Variants in DISC1 observed in about 807,000 individuals in gnomAD.
DISC1 encodes DISC1 scaffold protein, also known as disrupted in schizophrenia 1 protein.
DISC1 carries 57 observed loss-of-function variants against 84.5 expected under a neutral mutation model. The observed-to-expected ratio is 0.67, with a 90% CI of 0.55 to 0.84. The LOEUF (loss-of-function observed/expected upper bound fraction) is 0.84. DISC1 is among the 40% of genes least tolerant of loss of function. DISC1 has a pLI of 0.00. For missense variants in DISC1, 1,000 were observed against 1,057.8 expected, an observed-to-expected ratio of 0.95 and a Z score of 0.76; for synonymous variants, 411 against 415.2, an observed-to-expected ratio of 0.99 and a Z score of 0.12.
At chr1:231,972,157 A>G (rs373224560) in intron 10 of DISC1, among the ~76,000 whole-genome samples, 66 of 152,286 alleles carry the variant, frequency 4.3e-4, no homozygotes, top group African/African-American at 1.5e-3. Context: ...TTCTTGATTT[A>G]TTGCTGCTCA....
intron 1 of DISC1, among the ~76,000 whole-genome samples, chr1:231,655,773 C>A (rs1459616464): frequency 1.3e-5 from 2 of 151,946 alleles, no homozygotes; most frequent in African/African-American, 2.4e-5. Context: ...TGTTTTTTGA[C>A]TTTTTAATAA....
intron 9 of DISC1, among the ~76,000 whole-genome samples, chr1:231,886,307 G>A (rs1351835018): frequency 6.6e-6 from 1 of 152,120 alleles, no homozygotes; most frequent in African/African-American, 2.4e-5. Context: ...ATATTGACAT[G>A]GCTTCCTCTT....
intron 3 of DISC1, among the ~76,000 whole-genome samples, chr1:231,735,836 G>T (rs370358810): frequency 3.3e-5 from 5 of 151,802 alleles, no homozygotes; most frequent in African/African-American, 7.3e-5. Flanking sequence ...TTTTTGAGTC[G>T]GGGTCTGGCT....
chr1:231,774,430 G>A (rs1275787950), intron 6 of DISC1, among the ~76,000 whole-genome samples: 1 of 152,190 alleles, frequency 6.6e-6, no homozygotes, highest in African/African-American at 2.4e-5. Context: ...CTCATGGTGA[G>A]CAGAGGCCAT....
At chr1:231,956,236 T>C (rs1659479721) in intron 9 of DISC1, among the ~76,000 whole-genome samples, 1 of 152,224 alleles carries the variant, frequency 6.6e-6, no homozygotes, top group Non-Finnish European at 1.5e-5. Flanking sequence ...ATATGCTTCA[T>C]TGAACCTAAG....
chr1:232,020,363 A>T (rs545677025), intron 11 of DISC1, among the ~76,000 whole-genome samples: 13 of 152,218 alleles, frequency 8.5e-5, no homozygotes, highest in Admixed American at 2.6e-4. Flanking sequence ...AATAAATAAA[A>T]AATAAAAGGA....
chr1:232,000,676 G>T (rs1026338208), intron 10 of DISC1, among the ~76,000 whole-genome samples: 1 of 152,044 alleles, frequency 6.6e-6, no homozygotes, highest in Non-Finnish European at 1.5e-5. Flanking sequence ...TAAAGACAAG[G>T]AAAAATCCTT....
chr1:231,990,579 TCAGA>T (rs771322590), intron 10 of DISC1, among the ~76,000 whole-genome samples: 5 of 152,122 alleles, frequency 3.3e-5, no homozygotes, highest in Non-Finnish European at 7.3e-5. Context: ...GCCTGTGAGG[TCAGA>T]CAAAGCCCAG....
intron 8 of DISC1, among the ~76,000 whole-genome samples, chr1:231,810,826 G>C (rs1005421634): frequency 3.9e-5 from 6 of 152,184 alleles, no homozygotes; most frequent in Non-Finnish European, 5.9e-5. Context: ...AACATTTTGA[G>C]TCAATTGTTA....
intron 1 of DISC1, among the ~76,000 whole-genome samples, chr1:231,642,289 C>G (rs1459750473): frequency 1.3e-5 from 2 of 152,254 alleles, no homozygotes; most frequent in Non-Finnish European, 2.9e-5. Flanking sequence ...GCGCCTCTCC[C>G]TCCACACCTG....
intron 1 of DISC1, among the ~76,000 whole-genome samples, chr1:231,689,973 G>A (rs1055539284): frequency 6.6e-6 from 1 of 152,210 alleles, no homozygotes; most frequent in African/African-American, 2.4e-5. Context: ...AGGCTGAGAA[G>A]GATTTGGATA....
chr1:231,735,621 T>A (rs1014899568), intron 3 of DISC1, among the ~76,000 whole-genome samples: 4 of 152,152 alleles, frequency 2.6e-5, no homozygotes, highest in Non-Finnish European at 5.9e-5. Context: ...ATTTTGAAAA[T>A]TTTCTCGAAC....
At chr1:232,013,767 A>G (rs1162928538) in intron 11 of DISC1, among the ~76,000 whole-genome samples, 1 of 152,094 alleles carries the variant, frequency 6.6e-6, no homozygotes, top group Non-Finnish European at 1.5e-5. Flanking sequence ...CCTCTTGGGT[A>G]TGGGGCCGGA....
chr1:231,897,511 T>C lies in DISC1; in HGVS notation c.1982-61317T>C, dbSNP rs1479969390. ...ACATACAGCGCAGACTAAATCGTCTTTTTCTTTATCTTTTTTTTTTCCTTT... is the reference window on the plus strand; with the variant it reads ...ACATACAGCGCAGACTAAATCGTCTCTTTCTTTATCTTTTTTTTTTCCTTT... On this transcript the variant is annotated intron_variant, in intron 9 of 12. Transcript: ENST00000439617. This position sits in a 1 kb window ranked among gnomAD's most constrained non-coding sequence, Gnocchi z 4.5. Among the ~76,000 whole-genome samples, 2 of 152,186 alleles carry C rather than the reference T, an allele frequency of 1.3e-5. No individual in the cohort carries two copies. The highest frequency in any genetic ancestry group is 4.8e-5 in the African/African-American group (2 of 41,446).
chr1:231,693,964 G>A lies in DISC1; in HGVS notation c.206G>A (p.Gly69Glu). Residue 69 changes from glycine (G) to glutamate (E), a missense_variant, in exon 2 of 13, where the codon GGA becomes GAA. Gly to Glu is a moderately conservative substitution (Grantham distance 98). Coordinates refer to ENST00000439617, the MANE Select transcript of DISC1 (RefSeq NM_018662.3). ...PAVGTLFRFP[G>E]GVSGEESHHS... is the part of the protein sequence containing the mutation. ...GTGGGCACACTGTTCCGGTTCCCAGGAGGGGTGTCTGGCGAGGAGTCCCAC... is the reference window on the plus strand; with the variant it reads ...GTGGGCACACTGTTCCGGTTCCCAGAAGGGGTGTCTGGCGAGGAGTCCCAC... 4 of 1,614,108 alleles carry A rather than the reference G, an allele frequency of 2.5e-6. No individual in the cohort carries two copies. Among genetic ancestry groups the A allele is most frequent in the Non-Finnish European group, 3.4e-6 (4 of 1,179,978 alleles).
intron 11 of DISC1, among the ~76,000 whole-genome samples, chr1:232,017,480 CTTT>C (rs56672398): frequency 0.015 from 1,945 of 132,744 alleles, 37 homozygotes; most frequent in African/African-American, 0.048. Flanking sequence ...AACACCTGTC[CTTT>C]TTTTTTTTTT....
At position 231,809,466 on chromosome 1, in the gene DISC1, A is replaced by G. The variant is rs575322068; in HGVS notation, c.1793-8863A>G. Among the ~76,000 whole-genome samples, 408 of 143,338 alleles carry G rather than the reference A, an allele frequency of 2.8e-3. 2 individuals are homozygous for G. Among genetic ancestry groups the G allele is most frequent in the African/African-American group, 0.01 (398 of 38,468 alleles). 94.0% of individuals were successfully genotyped at this position (143,338 alleles called of 152,430 possible). The stretch of plus-strand genomic sequence containing the variant: ...CAAGAAGCAAACAGCTCAAATAATT[A>G]TTTATTTTAAAATAACATAAGAGGA... On this transcript the variant is annotated intron_variant, in intron 8 of 12. Transcript: ENST00000439617.
intron 9 of DISC1, among the ~76,000 whole-genome samples, chr1:231,947,965 C>G (rs1350384214): frequency 6.6e-6 from 1 of 152,160 alleles, no homozygotes; most frequent in Non-Finnish European, 1.5e-5. Flanking sequence ...ACAACAGATG[C>G]TGGAGAGGGA....
chr1:231,627,962 C>A (rs1487733984), intron 1 of DISC1, among the ~76,000 whole-genome samples: 2 of 152,248 alleles, frequency 1.3e-5, no homozygotes, highest in South Asian at 2.1e-4. Flanking sequence ...TATGACAGTA[C>A]CTGCTTCATA....
Sources: gnomAD v4.1 joint callset for allele counts (sites outside exome capture counted in the v4.1 genomes callset) on GRCh38, gnomAD v4.1.1 for gene constraint, Gnocchi (gnomAD v3.1) non-coding constraint, MANE v1.5 for transcripts, NCBI Gene and HGNC (gene_info 2026-07-23, HGNC 2026-07-21) for gene names.